Variants in VASN observed in about 807,000 individuals in gnomAD.
VASN encodes protein slit-like 2.
Under a neutral mutation model 4.8 loss-of-function variants are expected in VASN, and 5 were observed. The observed-to-expected ratio is 1.03, with a 90% CI of 0.54 to 2.17. The LOEUF (loss-of-function observed/expected upper bound fraction) is 2.17. VASN is among the 30% of genes most tolerant of loss of function. The probability of loss-of-function intolerance (pLI) is 0.01; values close to 1 mark genes in which losing one functional copy is unlikely to be tolerated. For synonymous variants in VASN, 499 were observed against 460.8 expected, an observed-to-expected ratio of 1.08 and a Z score of -1.06; for missense variants, 927 against 948.8, an observed-to-expected ratio of 0.98 and a Z score of 0.30.
At chr16:4,379,814 G>A (rs1471189473) in intron 1 of VASN, among the ~76,000 whole-genome samples, 9 of 151,014 alleles carry the variant, frequency 6.0e-5, no homozygotes, top group South Asian at 2.1e-4. Flanking sequence ...AGGCTGAGGC[G>A]GGCAGATCAC....
intron 1 of VASN, among the ~76,000 whole-genome samples, chr16:4,375,515 T>TATTG (rs2054687605): frequency 6.6e-6 from 1 of 152,182 alleles, no homozygotes; most frequent in South Asian, 2.1e-4. Context: ...TGAGATGGAG[T>TATTG]ATTGCTCTGT....
At chr16:4,378,164 C>T (rs933485719) in intron 1 of VASN, among the ~76,000 whole-genome samples, 1 of 152,224 alleles carries the variant, frequency 6.6e-6, no homozygotes, top group Non-Finnish European at 1.5e-5. Context: ...CATGCATCCC[C>T]CACTGCAGCC....
chr16:4,382,395 G>A lies in VASN; in HGVS notation c.1518G>A (p.Lys506=). The A allele has an allele frequency of 6.2e-7, 1 of 1,612,164 alleles. No individual in the cohort carries two copies. The highest frequency in any genetic ancestry group is 1.3e-5 in the African/African-American group (1 of 75,060). ...LTYRNLSGPD[K]RLVTLRLPAS... ...ATCGCAACCTATCGGGCCCTGATAA[G>A]CGGCTGGTGACGCTGCGACTGCCTG... The change falls in exon 2 of 2, where the codon AAG becomes AAA. Residue 506 remains lysine, a synonymous_variant. Coordinates refer to ENST00000304735, the MANE Select transcript of VASN (RefSeq NM_138440.3).
chr16:4,373,000 A>T (rs997716667), intron 1 of VASN, among the ~76,000 whole-genome samples: 3 of 151,970 alleles, frequency 2.0e-5, no homozygotes, highest in African/African-American at 7.3e-5. Flanking sequence ...TTCACACTAG[A>T]CTGTACTTTG....
Position 4,378,041 on chromosome 16 carries a change from G to A in VASN, c.-9-2828G>A, listed in dbSNP as rs138663261. 6.6e-5 allele frequency among the ~76,000 whole-genome samples: 10 copies of A among 152,228 alleles called. No individual in the cohort carries two copies. The East Asian group carries it at 1.9e-3, about 29-fold the overall frequency. On this transcript the variant is annotated intron_variant, in intron 1 of 1. Transcript: ENST00000304735. ...GCTGATTAAAGACCCAACAGATTAC[G>A]GAGCCCAGAGCTATGGCTGGTCCCC...
At position 4,381,071 on chromosome 16, in the gene VASN, C is replaced by T; in HGVS notation, c.194C>T (p.Thr65Ile). 1 of 1,610,060 alleles carries T rather than the reference C, an allele frequency of 6.2e-7. No individual in the cohort carries two copies. Among genetic ancestry groups the T allele is most frequent in the South Asian group, 1.1e-5 (1 of 90,648 alleles). The change falls in exon 2 of 2, where the codon ACC becomes ATC. Residue 65 changes from threonine (T) to isoleucine (I), a missense_variant. By Grantham distance (89) the Thr-to-Ile change is moderately conservative. Coordinates refer to ENST00000304735, the MANE Select transcript of VASN (RefSeq NM_138440.3). ...VGLYVFENGITMLDAGSFAGL... is the reference protein window; with the variant it reads ...VGLYVFENGIIMLDAGSFAGL... ...CTGTACGTCTTTGAGAACGGCATCACCATGCTCGACGCAGGCAGCTTTGCC... is the reference window on the plus strand; with the variant it reads ...CTGTACGTCTTTGAGAACGGCATCATCATGCTCGACGCAGGCAGCTTTGCC...
At chr16:4,375,511 G>A (rs1245904618) in intron 1 of VASN, among the ~76,000 whole-genome samples, 2 of 152,214 alleles carry the variant, frequency 1.3e-5, no homozygotes, top group Admixed American at 1.3e-4. Flanking sequence ...TTTTTGAGAT[G>A]GAGTATTGCT....
In VASN at chr16:4,372,618, G is replaced by A. The variant is rs559834126; in HGVS notation, c.-10+625G>A. 5.9e-5 allele frequency among the ~76,000 whole-genome samples: 9 copies of A among 152,352 alleles called. No homozygotes were observed. The East Asian group carries it at 1.7e-3, about 29-fold the overall frequency. On this transcript the variant is annotated intron_variant, in intron 1 of 1. Transcript: ENST00000304735. ...CTGCCTCTGCCAGGGAAGGGGCTTTGCTTGGGCTGCAAACCCAGTGGCCTG... is the reference window on the plus strand; with the variant it reads ...CTGCCTCTGCCAGGGAAGGGGCTTTACTTGGGCTGCAAACCCAGTGGCCTG...
At chr16:4,373,451 G>A (rs1235388112) in intron 1 of VASN, among the ~76,000 whole-genome samples, 1 of 152,132 alleles carries the variant, frequency 6.6e-6, no homozygotes, top group East Asian at 1.9e-4. Context: ...TGGGGTCCCA[G>A]GGCATTTGTC....
rs1002103529 is a variant in VASN, at chr16:4,372,007, G to C, written c.-10+14G>C. 1.3e-5 allele frequency: 2 copies of C among 152,280 alleles called. No homozygotes were observed. The highest frequency in any genetic ancestry group is 4.8e-5 in the African/African-American group (2 of 41,424). 9.4% of individuals were successfully genotyped at this position (152,280 alleles called of 1,614,324 possible). A position where few individuals can be genotyped will look rare whatever the true frequency, so the allele number is the denominator to read the frequency against. ...CGCCGCCTCCCGGTGAGTTTCTGTG[G>C]GGCTGGGGGGCTGCGGGCGGGGAAG... On this transcript the variant is annotated intron_variant, in intron 1 of 1. Transcript: ENST00000304735.
chr16:4,380,750 A>G, intron 1 of VASN, 119 bp from the exon 2 acceptor site: 2 of 1,169,652 alleles, frequency 1.7e-6, no homozygotes, highest in East Asian at 2.6e-5. Context: ...ACTCATAACC[A>G]TTGGGTTCTC....
chr16:4,375,009 C>T (rs961404367), intron 1 of VASN, among the ~76,000 whole-genome samples: 10 of 152,100 alleles, frequency 6.6e-5, no homozygotes, highest in East Asian at 5.8e-4. Flanking sequence ...TGCCGCGTGC[C>T]GAAAGTGGCA....
intron 1 of VASN, among the ~76,000 whole-genome samples, chr16:4,374,448 C>T (rs1039750612): frequency 1.3e-5 from 2 of 152,100 alleles, no homozygotes; most frequent in Non-Finnish European, 2.9e-5. Flanking sequence ...TTCGGGACGG[C>T]CCCCACCAGA....
intron 1 of VASN, among the ~76,000 whole-genome samples, chr16:4,379,249 C>T (rs1254459702): frequency 6.6e-6 from 1 of 152,054 alleles, no homozygotes; most frequent in Non-Finnish European, 1.5e-5. Flanking sequence ...GCAGGCGCCA[C>T]TGGGCAGGAT....
At chr16:4,372,367 C>G (rs2054566491) in intron 1 of VASN, among the ~76,000 whole-genome samples, 1 of 152,250 alleles carries the variant, frequency 6.6e-6, no homozygotes, top group South Asian at 2.1e-4. Context: ...GCTTGGGTCA[C>G]TTTTCCCTCC....
intron 1 of VASN, among the ~76,000 whole-genome samples, chr16:4,375,250 G>A (rs938533260): frequency 3.3e-5 from 5 of 152,108 alleles, no homozygotes; most frequent in South Asian, 2.1e-4. Flanking sequence ...ACCTGGGGCC[G>A]GGCCAGCCTC....
chr16:4,381,589 C>T lies in VASN; in HGVS notation c.712C>T (p.Leu238Phe), dbSNP rs1054910611. Residue 238 changes from leucine to phenylalanine, a missense_variant, in exon 2 of 2, where the codon CTC (leucine) becomes TTC (phenylalanine). Leu to Phe is a conservative substitution (Grantham distance 22, BLOSUM62 0). Coordinates refer to ENST00000304735, the MANE Select transcript of VASN (RefSeq NM_138440.3). ...LERVPPVIRGLRGLTRLRLAG... is the reference protein window; with the variant it reads ...LERVPPVIRGFRGLTRLRLAG... Reference sequence around the variant, plus strand: ...GCGAGTGCCACCTGTGATCCGAGGCCTCCGGGGCCTGACGCGCCTGCGGCT... The same window carrying T: ...GCGAGTGCCACCTGTGATCCGAGGCTTCCGGGGCCTGACGCGCCTGCGGCT... 1.2e-6 allele frequency: 2 copies of T among 1,602,218 alleles called. No individual in the cohort carries two copies. The highest frequency in any genetic ancestry group is 1.3e-5 in the African/African-American group (1 of 74,802).
chr16:4,379,742 C>G (rs1405664559), intron 1 of VASN, among the ~76,000 whole-genome samples: 3 of 151,906 alleles, frequency 2.0e-5, no homozygotes, highest in Non-Finnish European at 2.9e-5. Context: ...CAGGGCAGAC[C>G]CCAAGAAACA....
intron 1 of VASN, among the ~76,000 whole-genome samples, chr16:4,378,354 AGGC>A (rs1490852840): frequency 3.9e-5 from 6 of 152,130 alleles, no homozygotes; most frequent in Admixed American, 6.5e-5. Context: ...CAGGCTGGCC[AGGC>A]TGGCCACGTG....
Sources: gnomAD v4.1 joint callset for allele counts (sites outside exome capture counted in the v4.1 genomes callset) on GRCh38, gnomAD v4.1.1 for gene constraint, MANE v1.5 for transcripts, NCBI Gene and HGNC (gene_info 2026-07-23, HGNC 2026-07-21) for gene names.